ZNF454: variants seen among roughly 807,000 people sequenced by gnomAD.
ZNF454 encodes the protein zinc finger protein 454.
ZNF454 carries 30 observed loss-of-function variants against 48.2 expected under a neutral mutation model. That is an observed-to-expected ratio of 0.62 (90% CI 0.47 to 0.84). The LOEUF is 0.84. Among genes scored for constraint, ZNF454 ranks in the 40% least tolerant of loss-of-function variants. The pLI is 0.00. For missense variants in ZNF454, 510 were observed against 623.1 expected (o/e 0.82, Z 1.93); for synonymous variants, 204 against 211.4 (o/e 0.97, Z 0.30).
Position 178,944,434 on chromosome 5 carries a change from A to G in ZNF454, c.33+1610A>G, listed in dbSNP as rs984680373. On this transcript the variant is annotated intron_variant, in intron 2 of 4. Coordinates refer to ENST00000519564, the MANE Select transcript of ZNF454 (RefSeq NM_001178089.3). The surrounding 1 kb of genome is among the most constrained non-coding windows in gnomAD (Gnocchi z 4.1). Reference sequence around the variant, plus strand: ...CCTTGATTTGGTTGCCATTCAGCAGACATATGTTAGGGCTGTAAAATGTGC... The same window carrying G: ...CCTTGATTTGGTTGCCATTCAGCAGGCATATGTTAGGGCTGTAAAATGTGC... Among the ~76,000 whole-genome samples, 1 of 152,238 alleles carries G rather than the reference A, an allele frequency of 6.6e-6. No individual in the cohort carries two copies. Among genetic ancestry groups the G allele is most frequent in the African/African-American group, 2.4e-5 (1 of 41,468 alleles).
rs1003277423 is a variant in ZNF454 at position 178,941,201 on chromosome 5, T to A, written c.-351T>A. Reference sequence around the variant, plus strand: ...GGGCAACGCGCAAGCGCAGTTCGGCTCCCGGCTGCAGACTCCAGCTCATTG... The same window carrying A: ...GGGCAACGCGCAAGCGCAGTTCGGCACCCGGCTGCAGACTCCAGCTCATTG... On this transcript the variant is annotated 5_prime_UTR_variant, in exon 1 of 5. Transcript: ENST00000519564. The surrounding 1 kb of genome is among the most constrained non-coding windows in gnomAD (Gnocchi z 5.5). 3.9e-5 allele frequency: 14 copies of A among 355,200 alleles called. No individual in the cohort carries two copies. The highest frequency in any genetic ancestry group is 2.8e-4 in the African/African-American group (13 of 46,700). 22.0% of individuals were successfully genotyped at this position (355,200 alleles called of 1,614,324 possible). A position where few individuals can be genotyped will look rare whatever the true frequency, so the allele number is the denominator to read the frequency against.
intron 4 of ZNF454, among the ~76,000 whole-genome samples, chr5:178,949,167 C>A (rs1467657004): frequency 1.3e-5 from 2 of 152,170 alleles, no homozygotes; most frequent in Non-Finnish European, 2.9e-5. Context: ...TCTCCTGCCT[C>A]TGCCTCCCAA....
At chr5:178,985,682 G>T in the ZNF454 span, 3 of 387,050 alleles carry the variant, frequency 7.8e-6, no homozygotes, top group African/African-American at 2.4e-5. Flanking sequence ...CAGCCTGGGC[G>T]ACACAGCGAG....
the ZNF454 span, chr5:178,989,538 T>G: frequency 8.8e-7 from 1 of 1,135,356 alleles, no homozygotes; most frequent in Non-Finnish European, 1.3e-6. Flanking sequence ...GAACTAGGCA[T>G]GGCCAGGTGA....
intron 2 of ZNF454, among the ~76,000 whole-genome samples, chr5:178,945,105 G>GTGTGTGCGCGCTTGCA (rs1359975069): frequency 6.8e-6 from 1 of 147,728 alleles, no homozygotes; most frequent in Non-Finnish European, 1.5e-5. Context: ...GTGTTCGGGT[G>GTGTGTGCGCGCTTGCA]TGTGTGCGCG....
At chr5:178,981,663 G>A in the ZNF454 span, 42 of 1,612,950 alleles carry the variant, frequency 2.6e-5, no homozygotes, top group African/African-American at 5.1e-4. The surrounding 1 kb of genome is among the most constrained non-coding windows in gnomAD (Gnocchi z 5.1). Flanking sequence ...CCTGCTACTT[G>A]TGGGCCTCTG....
At position 178,942,672 on chromosome 5, in the gene ZNF454, T is replaced by G. The variant is rs10060764; in HGVS notation, c.-107-13T>G. 3 of 1,145,742 alleles carry G rather than the reference T, an allele frequency of 2.6e-6. No homozygotes were observed. The African/African-American group carries it at 4.6e-5, about 17-fold the overall frequency. The allele number at this position is 1,145,742 out of a possible 1,614,324, so 71.0% of individuals were successfully genotyped here. A position where few individuals can be genotyped will look rare whatever the true frequency, so the allele number is the denominator to read the frequency against. Reference sequence around the variant, plus strand: ...GCTGTATGAGAGCTTTTGACCCAGTTCTCTCCTAATAGCAGGTGTGTGGAC... The same window carrying G: ...GCTGTATGAGAGCTTTTGACCCAGTGCTCTCCTAATAGCAGGTGTGTGGAC... On this transcript the variant is annotated splice_polypyrimidine_tract_variant and intron_variant, in intron 1 of 4. Transcript: ENST00000519564.
chr5:178,973,797 C>G, the ZNF454 span, among the ~76,000 whole-genome samples: 2 of 147,700 alleles, frequency 1.4e-5, no homozygotes, highest in Admixed American at 1.4e-4. Flanking sequence ...GAGCCGAGAT[C>G]GCGCCACTGC....
chr5:178,953,685 A>T (rs1759640217), intron 4 of ZNF454, among the ~76,000 whole-genome samples: 1 of 152,178 alleles, frequency 6.6e-6, no homozygotes, highest in Non-Finnish European at 1.5e-5. Context: ...CACTTTATGG[A>T]TCATTCAACT....
At chr5:178,949,534 C>T (rs1759474079) in intron 4 of ZNF454, among the ~76,000 whole-genome samples, 1 of 152,090 alleles carries the variant, frequency 6.6e-6, no homozygotes, top group Non-Finnish European at 1.5e-5. Context: ...TTGTCAGTTT[C>T]TAATTCATGT....
At chr5:178,968,293 C>T (rs886932317), downstream of ZNF454, among the ~76,000 whole-genome samples, 4 of 152,098 alleles carry the variant, frequency 2.6e-5, no homozygotes, top group Non-Finnish European at 5.9e-5. Flanking sequence ...AAGTGCTGTC[C>T]GTCAAGTTGA....
At chr5:178,986,870 C>T in the ZNF454 span, 11 of 1,613,998 alleles carry the variant, frequency 6.8e-6, no homozygotes, top group Non-Finnish European at 9.3e-6. Context: ...CACTGGCCCA[C>T]TGCCTGGTAC....
chr5:178,985,646 G>GT, the ZNF454 span: 1 of 380,572 alleles, frequency 2.6e-6, no homozygotes, highest in Non-Finnish European at 5.2e-6. Flanking sequence ...GAGCTTGCAG[G>GT]GAGCTGAGAT....
chr5:178,986,999 G>A, the ZNF454 span: 57 of 1,611,116 alleles, frequency 3.5e-5, 1 homozygote, highest in South Asian at 1.1e-4. Context: ...GAGAGAGTCC[G>A]TCATCCTCGG....
rs1236869900 is a variant in ZNF454, at chr5:178,946,498, C to T, written c.160+13C>T. ...CTGGTCTCACTGGGTAAGTGGGACC[C>T]CTGCAAGGTTTCTCTTCACTTTTGG... On this transcript the variant is annotated intron_variant, in intron 3 of 4. Transcript: ENST00000519564. This position sits in a 1 kb window ranked among gnomAD's most constrained non-coding sequence, Gnocchi z 4.5. The T allele has an allele frequency of 6.3e-7, 1 of 1,579,914 alleles. No homozygotes were observed. Among genetic ancestry groups the T allele is most frequent in the Non-Finnish European group, 8.6e-7 (1 of 1,167,940 alleles).
At chr5:178,985,908 C>T in the ZNF454 span, 24 of 582,308 alleles carry the variant, frequency 4.1e-5, no homozygotes, top group Admixed American at 8.8e-5. Flanking sequence ...ACTACAGGCA[C>T]GCACCACCAT....
At chr5:178,966,707 CT>C (rs1171924728), downstream of ZNF454, among the ~76,000 whole-genome samples, 1 of 152,118 alleles carries the variant, frequency 6.6e-6, no homozygotes, top group Non-Finnish European at 1.5e-5. Context: ...GAGTTGCCAG[CT>C]TTAATGGAAG....
chr5:178,960,471 C>T (rs571460754), intron 4 of ZNF454, among the ~76,000 whole-genome samples: 4 of 151,496 alleles, frequency 2.6e-5, no homozygotes, highest in Non-Finnish European at 4.4e-5. Flanking sequence ...TCAGGCTGGT[C>T]GCAAACTCCG....
downstream of ZNF454, among the ~76,000 whole-genome samples, chr5:178,968,029 G>A (rs1387650173): frequency 6.6e-6 from 1 of 151,694 alleles, no homozygotes; most frequent in East Asian, 1.9e-4. Flanking sequence ...ATGAGCCACC[G>A]CACCCGGCCA....
Sources: allele counts gnomAD v4.1 joint callset (sites outside exome capture counted in the v4.1 genomes callset), GRCh38; gene constraint gnomAD v4.1.1; non-coding constraint Gnocchi (gnomAD v3.1); transcripts MANE v1.5; gene names NCBI Gene and HGNC (gene_info 2026-07-23, HGNC 2026-07-21).